The following JAK2 variants were observed in gnomAD, a reference collection of about 807,000 sequenced individuals.
JAK2 encodes tyrosine-protein kinase JAK2.
JAK2 carries 86 observed loss-of-function variants against 139.3 expected under a neutral mutation model. The observed-to-expected ratio is 0.62, with a 90% CI of 0.52 to 0.74. JAK2 has a LOEUF of 0.74. Ranked by LOEUF, JAK2 falls within the 30% of genes least tolerant of loss-of-function variation. JAK2 has a pLI of 0.00. For missense variants in JAK2, 1,421 were observed against 1,360.3 expected (o/e 1.04, Z -0.70); for synonymous variants, 490 against 437.7 (o/e 1.12, Z -1.49).
intron 22 of JAK2, chr9:5,111,307 GCAGCCC>G: frequency 2.1e-6 from 1 of 466,546 alleles, no homozygotes; most frequent in East Asian, 5.1e-5. Flanking sequence ...CTGGCCCTCA[GCAGCCC>G]CGGACCCCTG....
chr9:5,068,937 T>G, intron 10 of JAK2, 85 bp from the exon 11 acceptor site: 1 of 754,116 alleles, frequency 1.3e-6, no homozygotes, highest in East Asian at 2.7e-5. Flanking sequence ...CTGTTGCTTG[T>G]TCTTGTGATA....
Position 5,053,171 on chromosome 9 carries a change from G to C in JAK2, c.615-1392G>C, listed in dbSNP as rs570768381. Among the ~76,000 whole-genome samples the C allele has an allele frequency of 3.9e-5, 6 of 152,100 alleles. No homozygotes were observed. The East Asian group carries it at 1.2e-3, about 29-fold the overall frequency. On this transcript the variant is annotated intron_variant, in intron 6 of 24. Coordinates refer to ENST00000381652, the MANE Select transcript of JAK2 (RefSeq NM_004972.4). ...TTCTGTCTGTATTTTATCCATCCTA[G>C]TGGGTGGAAGTGCTGTCTCATTCTA...
At chr9:5,059,579 T>C (rs1240705843) in intron 8 of JAK2, among the ~76,000 whole-genome samples, 3 of 152,270 alleles carry the variant, frequency 2.0e-5, no homozygotes, top group Middle Eastern at 3.4e-3. Context: ...ATATATATCC[T>C]AGAGATAGGA....
chr9:5,080,092 T>G (rs1019811407), intron 16 of JAK2, 137 bp from the exon 17 acceptor site: 2 of 608,302 alleles, frequency 3.3e-6, no homozygotes, highest in African/African-American at 3.7e-5. Context: ...GTCATGTGCA[T>G]GTGCACATCC....
intron 22 of JAK2, among the ~76,000 whole-genome samples, chr9:5,121,557 A>G (rs1354957612): frequency 1.3e-5 from 2 of 152,200 alleles, no homozygotes; most frequent in African/African-American, 2.4e-5. Flanking sequence ...TAAGGGTGCT[A>G]TCTTCCTTGA....
At chr9:5,016,621 A>T (rs936447138) in intron 2 of JAK2, among the ~76,000 whole-genome samples, 3 of 152,222 alleles carry the variant, frequency 2.0e-5, no homozygotes, top group African/African-American at 7.2e-5. Context: ...ACAGCTTAAC[A>T]AATTTTCATA....
chr9:5,085,181 A>G, intron 19 of JAK2: 1 of 655,814 alleles, frequency 1.5e-6, no homozygotes, highest in South Asian at 1.4e-5. Flanking sequence ...GGCAAACTGA[A>G]CCATCTCATG....
In JAK2 at chr9:5,054,554, T is replaced by TA; in HGVS notation, c.615-8dup. 1 of 1,548,206 alleles carries TA rather than the reference T, an allele frequency of 6.5e-7. No individual in the cohort carries two copies. Among genetic ancestry groups the TA allele is most frequent in the African/African-American group, 1.4e-5 (1 of 72,110 alleles). On this transcript the variant is annotated splice_polypyrimidine_tract_variant and intron_variant, in intron 6 of 24. Transcript: ENST00000381652. The surrounding 1 kb of genome is among the most constrained non-coding windows in gnomAD (Gnocchi z 4.9). Reference sequence around the variant, plus strand: ...TTTTGTTTTTCTGTATGTGCTTTTTTATCCCTAGCTACAAGACATTCTTAC... The same window carrying TA: ...TTTTGTTTTTCTGTATGTGCTTTTTTAATCCCTAGCTACAAGACATTCTTAC...
intron 2 of JAK2, among the ~76,000 whole-genome samples, chr9:5,016,524 A>G (rs946434316): frequency 7.9e-5 from 12 of 152,164 alleles, no homozygotes; most frequent in African/African-American, 2.9e-4. Context: ...TGAAAAATGA[A>G]TTTTTTCCTG....
intron 4 of JAK2, among the ~76,000 whole-genome samples, chr9:5,040,710 G>C (rs1205558835): frequency 6.6e-6 from 1 of 152,256 alleles, no homozygotes; most frequent in Non-Finnish European, 1.5e-5. Context: ...CATGTAAAAA[G>C]ATGCCCAACA....
chr9:5,043,559 CAA>C (rs1315950545), intron 4 of JAK2, among the ~76,000 whole-genome samples: 5 of 152,092 alleles, frequency 3.3e-5, no homozygotes, highest in Non-Finnish European at 7.4e-5. Context: ...AAAGGGTAAA[CAA>C]AGAGTTACCA....
At chr9:5,057,178 T>C (rs1817823981) in intron 8 of JAK2, among the ~76,000 whole-genome samples, 2 of 152,152 alleles carry the variant, frequency 1.3e-5, no homozygotes, top group Non-Finnish European at 2.9e-5. Flanking sequence ...TGTTTCTTGC[T>C]GAATTTTATT....
At chr9:4,990,728 C>G (rs189993470) in intron 2 of JAK2, among the ~76,000 whole-genome samples, 2 of 152,136 alleles carry the variant, frequency 1.3e-5, no homozygotes, top group Non-Finnish European at 2.9e-5. Flanking sequence ...AAGATGTATT[C>G]GTGTTTTTCC....
Position 5,080,252 on chromosome 9 carries a change from G to A in JAK2, c.2155G>A (p.Val719Ile), listed in dbSNP as rs765685138. ...AGTTCTTCAGGAGAGAATACCATGG[G>A]TACCACCTGAATGCATTGAAAATCC... Reference protein sequence around the residue: ...KDILQERIPWVPPECIENPKN... With the variant: ...KDILQERIPWIPPECIENPKN... Residue 719 changes from valine (V) to isoleucine (I), a missense_variant, in exon 17 of 25, where the codon GTA (valine) becomes ATA (isoleucine). Physicochemically the swap from Val to Ile is conservative, Grantham distance 29. Transcript: ENST00000381652. The A allele has an allele frequency of 6.2e-7, 1 of 1,612,530 alleles. No homozygotes were observed. Among genetic ancestry groups the A allele is most frequent in the Admixed American group, 1.7e-5 (1 of 59,938 alleles).
At chr9:5,013,925 A>G (rs1331349644) in intron 2 of JAK2, among the ~76,000 whole-genome samples, 1 of 152,166 alleles carries the variant, frequency 6.6e-6, no homozygotes, top group Non-Finnish European at 1.5e-5. Context: ...GTAGTTTGCA[A>G]TAAGAAAGGA....
chr9:5,025,681 C>G (rs529056365), intron 3 of JAK2, among the ~76,000 whole-genome samples: 4 of 152,058 alleles, frequency 2.6e-5, no homozygotes, highest in Admixed American at 2.0e-4. Context: ...TACAGGCACC[C>G]ACCACCACAC....
intron 13 of JAK2, among the ~76,000 whole-genome samples, chr9:5,073,074 A>C (rs1819078501): frequency 6.6e-6 from 1 of 152,224 alleles, no homozygotes; most frequent in Middle Eastern, 3.2e-3. Flanking sequence ...GCCAGTTGCC[A>C]GAGCTCTGAA....
chr9:5,071,607 A>G (rs1348260183), intron 12 of JAK2, among the ~76,000 whole-genome samples: 1 of 152,218 alleles, frequency 6.6e-6, no homozygotes, highest in Admixed American at 6.5e-5. Context: ...GAAGAAATTA[A>G]GAATGCAGCA....
At chr9:5,098,106 T>A (rs964502571) in intron 22 of JAK2, 1 of 152,180 alleles carries the variant, frequency 6.6e-6, no homozygotes, top group African/African-American at 2.4e-5. Context: ...AGAAAAACTA[T>A]AACAATTGAA....
Sources: gnomAD v4.1 joint callset for allele counts (sites outside exome capture counted in the v4.1 genomes callset) on GRCh38, gnomAD v4.1.1 for gene constraint, Gnocchi (gnomAD v3.1) non-coding constraint, MANE v1.5 for transcripts, NCBI Gene and HGNC (gene_info 2026-07-23, HGNC 2026-07-21) for gene names.